The following KIAA1549 variants were observed in gnomAD, a reference collection of about 807,000 sequenced individuals.
KIAA1549 encodes KIAA1549.
KIAA1549 carries 70 observed loss-of-function variants against 156.4 expected under a neutral mutation model. The ratio of observed to expected loss-of-function variants is 0.45; its 90% CI spans 0.37 to 0.55. The LOEUF (loss-of-function observed/expected upper bound fraction) is 0.55. Among genes scored for constraint, KIAA1549 ranks in the 20% least tolerant of loss-of-function variants. The pLI is 0.00. For synonymous variants in KIAA1549, 1,103 were observed against 1,066.4 expected, an observed-to-expected ratio of 1.03 and a Z score of -0.67; for missense variants, 2,428 against 2,540.9, an observed-to-expected ratio of 0.96 and a Z score of 0.96.
In KIAA1549 at chr7:138,834,454, G is replaced by A. The variant is rs977187835; in HGVS notation, c.*3452C>T. 5.7e-5 allele frequency: 12 copies of A among 208,862 alleles called. No individual in the cohort carries two copies. Among genetic ancestry groups the A allele is most frequent in the African/African-American group, 1.6e-4 (7 of 44,094 alleles). The allele number at this position is 208,862 out of a possible 1,614,324, so 12.9% of individuals were successfully genotyped here. A position where few individuals can be genotyped will look rare whatever the true frequency, so the allele number is the denominator to read the frequency against. ...GTGAGCCACCGCGCCTGATCTCTTC[G>A]AATGAATTTTATTGACACTTAAACC... On this transcript the variant is annotated 3_prime_UTR_variant, in exon 20 of 20. Transcript: ENST00000422774.
chr7:138,899,090 G>A lies in KIAA1549; in HGVS notation c.3712C>T (p.Gln1238Ter). ...SRLEGDDNPV[Q>*]LIYFVEDQDG... is the part of the protein sequence containing the mutation. ...TGATCCTCCACAAAGTAGATGAGCT[G>A]TACCGGATTGTCATCTCCCTCCAGC... The change falls in exon 9 of 20, where the codon CAG becomes TAG. Residue 1238 changes from glutamine (Q) to a stop codon, truncating the protein, a stop_gained. Transcript: ENST00000422774. LOFTEE classifies it high-confidence loss of function. 1 of 1,613,804 alleles carries A rather than the reference G, an allele frequency of 6.2e-7. No individual in the cohort carries two copies. The highest frequency in any genetic ancestry group is 8.5e-7 in the Non-Finnish European group (1 of 1,179,752).
chr7:138,844,426 A>T lies in KIAA1549; in HGVS notation c.5343T>A (p.Pro1781=), dbSNP rs759927991. 1 of 1,588,712 alleles carries T rather than the reference A, an allele frequency of 6.3e-7. No individual in the cohort carries two copies. Among genetic ancestry groups the T allele is most frequent in the Non-Finnish European group, 8.6e-7 (1 of 1,168,454 alleles). The change falls in exon 18 of 20, where the codon CCT becomes CCA. Residue 1781 remains proline (P), a synonymous_variant. Transcript: ENST00000422774. The stretch of plus-strand genomic sequence containing the variant: ...CGGAGGCCTGTGGCTGCTGAGGGTC[A>T]GGGGGCACCAGCTCTGTAGACTGCA... The part of the protein sequence containing the change: ...GLLQSTELVP[P]DPQQPQASAE...
At chr7:138,903,478 G>T in intron 8 of KIAA1549, 110 bp downstream of exon 8, 3 of 1,122,336 alleles carry the variant, frequency 2.7e-6, no homozygotes, top group Non-Finnish European at 3.7e-6. Flanking sequence ...ATTTCTCATG[G>T]CACTTCTCAT....
intron 18 of KIAA1549, 69 bp from the exon 19 acceptor site, chr7:138,840,347 C>T (rs1426479091): frequency 2.0e-5 from 29 of 1,420,506 alleles, no homozygotes; most frequent in Non-Finnish European, 2.5e-5. Context: ...GGATGGCTGC[C>T]GAGGAAGACA....
At chr7:138,844,171 A>G (rs1563045787) in intron 18 of KIAA1549, 146 bp downstream of exon 18, 1 of 895,540 alleles carries the variant, frequency 1.1e-6, no homozygotes, top group Non-Finnish European at 1.7e-6. Flanking sequence ...CTCCGCCTCC[A>G]TCTCGGTCAG....
chr7:138,902,013 C>T (rs1483135047), intron 8 of KIAA1549, among the ~76,000 whole-genome samples: 3 of 152,200 alleles, frequency 2.0e-5, no homozygotes, highest in Non-Finnish European at 4.4e-5. Context: ...GAAGTTAACT[C>T]ACACCTAGAC....
Position 138,918,038 on chromosome 7 carries a change from C to G in KIAA1549, c.1588G>C (p.Val530Leu). The change falls in exon 2 of 20, where the codon GTG becomes CTG. Residue 530 changes from valine (V) to leucine (L), a missense_variant. By Grantham distance (32) the Val-to-Leu change is conservative (BLOSUM62 1). Around this residue, in one of 5 missense-constraint regions of KIAA1549, gnomAD observed 893 missense variants for 847.9 expected, o/e 1.05. Coordinates refer to ENST00000422774, the MANE Select transcript of KIAA1549 (RefSeq NM_001164665.2). The surrounding 1 kb of genome is among the most constrained non-coding windows in gnomAD (Gnocchi z 4.2). The stretch of plus-strand genomic sequence containing the variant: ...GCAGTAGGATCAAGTGACGCCGGCA[C>G]AGAGAGGCGGCCGTGGGCAGGGGGA... ...QVPPAHGRLS[V>L]PASLDPTAGS... 6.2e-7 allele frequency: 1 copy of G among 1,610,972 alleles called. No homozygotes were observed. Among genetic ancestry groups the G allele is most frequent in the Non-Finnish European group, 8.5e-7 (1 of 1,178,582 alleles).
Position 138,879,618 on chromosome 7 carries a change from T to G in KIAA1549, c.4265A>C (p.Glu1422Ala). The change falls in exon 12 of 20, where the codon GAA (glutamate) becomes GCA (alanine). Residue 1422 changes from glutamate (E) to alanine (A), a missense_variant. By Grantham distance (107) the Glu-to-Ala change is moderately radical (BLOSUM62 -1). Coordinates refer to ENST00000422774, the MANE Select transcript of KIAA1549 (RefSeq NM_001164665.2). ...SPSDADSTVS[E>A]ESSERDAGDK... ...TCCTGCGTCCCTCTCGCTGGACTCT[T>G]CACTGACCGTAGAGTCAGCATCTGA... 1 of 1,560,078 alleles carries G rather than the reference T, an allele frequency of 6.4e-7. No homozygotes were observed. The highest frequency in any genetic ancestry group is 8.7e-7 in the Non-Finnish European group (1 of 1,152,086).
chr7:138,850,199 T>C (rs890525005), intron 17 of KIAA1549, among the ~76,000 whole-genome samples: 2 of 152,186 alleles, frequency 1.3e-5, no homozygotes, highest in African/African-American at 4.8e-5. Flanking sequence ...GACAGTCTGG[T>C]CTGTGCTGGA....
At chr7:138,887,394 A>AG (rs1811423857) in intron 10 of KIAA1549, among the ~76,000 whole-genome samples, 1 of 152,158 alleles carries the variant, frequency 6.6e-6, no homozygotes, top group Admixed American at 6.5e-5. Context: ...ATGGACTAGC[A>AG]CCCTGAGTTT....
chr7:138,971,893 C>T (rs979483991), intron 1 of KIAA1549, among the ~76,000 whole-genome samples: 2 of 152,160 alleles, frequency 1.3e-5, no homozygotes, highest in South Asian at 2.1e-4. Flanking sequence ...AGACGTGGAG[C>T]GTAATGAAAA....
At chr7:138,877,196 T>C (rs1811110457) in intron 12 of KIAA1549, among the ~76,000 whole-genome samples, 1 of 152,188 alleles carries the variant, frequency 6.6e-6, no homozygotes, top group Admixed American at 6.5e-5. Context: ...AATATTTTTA[T>C]GTGAATTATA....
chr7:138,953,870 T>C (rs751267425), intron 1 of KIAA1549, among the ~76,000 whole-genome samples: 36 of 152,208 alleles, frequency 2.4e-4, no homozygotes, highest in Non-Finnish European at 4.3e-4. Flanking sequence ...TTTTAAGATA[T>C]CTGAAATCGG....
At chr7:138,895,765 T>C (rs1309980539) in intron 9 of KIAA1549, among the ~76,000 whole-genome samples, 1 of 152,130 alleles carries the variant, frequency 6.6e-6, no homozygotes, top group African/African-American at 2.4e-5. Context: ...TTTTCCAAAA[T>C]GAAGCTTCAC....
chr7:138,905,100 T>A lies in KIAA1549; in HGVS notation c.3461-19A>T. The A allele has an allele frequency of 6.5e-7, 1 of 1,528,000 alleles. No individual in the cohort carries two copies. Among genetic ancestry groups the A allele is most frequent in the Non-Finnish European group, 8.9e-7 (1 of 1,121,868 alleles). The allele number at this position is 1,528,000 out of a possible 1,614,324, so 94.7% of individuals were successfully genotyped here. On this transcript the variant is annotated intron_variant, in intron 6 of 19. Coordinates refer to ENST00000422774, the MANE Select transcript of KIAA1549 (RefSeq NM_001164665.2). ...TGGAAGGCTACAAAAGGGAAAGAAT[T>A]AGGGAAGGAGAAAAATATCTGTAAA...
rs77884601 is a variant in KIAA1549 at position 138,916,513 on chromosome 7, A to G, written c.2878+235T>C. Among the ~76,000 whole-genome samples, 708 of 152,358 alleles carry G rather than the reference A, an allele frequency of 4.6e-3. 10 individuals carry two copies. The highest frequency in any genetic ancestry group is 0.017 in the African/African-American group (690 of 41,588). On this transcript the variant is annotated intron_variant, in intron 2 of 19. Coordinates refer to ENST00000422774, the MANE Select transcript of KIAA1549 (RefSeq NM_001164665.2). The stretch of plus-strand genomic sequence containing the variant: ...CGCATTTACATCTGAACAACAGCCC[A>G]ATGAAGCAGGTTTAACTAAGCTCCT...
At chr7:138,889,278 C>T (rs1013133158) in intron 10 of KIAA1549, among the ~76,000 whole-genome samples, 6 of 152,182 alleles carry the variant, frequency 3.9e-5, no homozygotes, top group South Asian at 2.1e-4. Flanking sequence ...GGGCGGTCTA[C>T]GTAGCCCAAG....
At position 138,870,887 on chromosome 7, in the gene KIAA1549, G is replaced by A. The variant is rs140607212; in HGVS notation, c.4551+270C>T. Among the ~76,000 whole-genome samples the A allele has an allele frequency of 5.7e-3, 872 of 152,208 alleles. 10 individuals are homozygous for A. The highest frequency in any genetic ancestry group is 0.035 in the Admixed American group (535 of 15,284). On this transcript the variant is annotated intron_variant, in intron 13 of 19. Coordinates refer to ENST00000422774, the MANE Select transcript of KIAA1549 (RefSeq NM_001164665.2). ...GGCTGGAGTGCAGTGGCGAGATCCC[G>A]GCTCAGTGCAAACTCCCCCTCCCGG...
intron 1 of KIAA1549, among the ~76,000 whole-genome samples, chr7:138,964,156 C>A (rs541823307): frequency 4.6e-5 from 7 of 152,356 alleles, no homozygotes; most frequent in Middle Eastern, 3.4e-3. Flanking sequence ...CAGGCTGTGA[C>A]TTCACAGTCA....
Sources: allele counts gnomAD v4.1 joint callset (sites outside exome capture counted in the v4.1 genomes callset), GRCh38; gene constraint gnomAD v4.1.1; regional missense constraint gnomAD v4.1.1; non-coding constraint Gnocchi (gnomAD v3.1); transcripts MANE v1.5; gene names NCBI Gene and HGNC (gene_info 2026-07-23, HGNC 2026-07-21).